The following SCRG1 variants were observed in gnomAD, a reference collection of about 807,000 sequenced individuals.
The protein encoded by SCRG1 is stimulator of chondrogenesis 1, also known as scrapie-responsive protein 1.
A neutral mutation model predicts 7.7 loss-of-function variants in SCRG1; 3 were observed. That is an observed-to-expected ratio of 0.39 (90% confidence interval 0.18 to 1.01). SCRG1 has a LOEUF of 1.01. Ranked by LOEUF, SCRG1 falls within the 50% of genes least tolerant of loss-of-function variation. SCRG1 has a pLI of 0.36. For missense variants in SCRG1, 110 were observed against 117.2 expected (o/e 0.94, Z 0.28); for synonymous variants, 46 against 41.2 (o/e 1.12, Z -0.44).
Position 173,391,308 on chromosome 4 carries a change from T to C in SCRG1, c.107A>G (p.His36Arg), listed in dbSNP as rs1482193097. Residue 36 changes from histidine to arginine, a missense_variant, in exon 2 of 3, where the codon CAC becomes CGC. Transcript: ENST00000296506. ...LSCYRKILKDHNCHNLPEGVA... is the reference protein window; with the variant it reads ...LSCYRKILKDRNCHNLPEGVA... ...TCCTTCCGGAAGGTTGTGACAGTTG[T>C]GATCTTTTAGTATCTTTCTGTAGCA... 2 of 1,614,148 alleles carry C rather than the reference T, an allele frequency of 1.2e-6. No homozygotes were observed. The highest frequency in any genetic ancestry group is 8.5e-7 in the Non-Finnish European group (1 of 1,180,022).
the SCRG1 span, among the ~76,000 whole-genome samples, chr4:173,482,307 T>G: frequency 1.3e-5 from 2 of 152,174 alleles, no homozygotes; most frequent in Admixed American, 6.6e-5. Flanking sequence ...TAGAATAGGT[T>G]AGAGACTCTT....
chr4:173,449,592 T>C, the SCRG1 span, among the ~76,000 whole-genome samples: 1 of 152,188 alleles, frequency 6.6e-6, no homozygotes, highest in Non-Finnish European at 1.5e-5. Flanking sequence ...ATAGCTAGAA[T>C]GTCTCTCTCC....
chr4:173,505,493 G>GGAAAGA, the SCRG1 span, among the ~76,000 whole-genome samples: 1 of 152,140 alleles, frequency 6.6e-6, no homozygotes, highest in Non-Finnish European at 1.5e-5. The surrounding 1 kb of genome is among the most constrained non-coding windows in gnomAD (Gnocchi z 4.4). Flanking sequence ...AAAGGGAAAG[G>GGAAAGA]GGAGAGTAGC....
upstream of SCRG1, among the ~76,000 whole-genome samples, chr4:173,402,916 G>A (rs918290559): frequency 6.6e-6 from 1 of 152,182 alleles, no homozygotes; most frequent in African/African-American, 2.4e-5. Flanking sequence ...GATGAACTGC[G>A]ACAAAATCAC....
upstream of SCRG1, chr4:173,399,259 G>T (rs1377914676): frequency 6.6e-6 from 1 of 152,214 alleles, no homozygotes; most frequent in South Asian, 2.1e-4. Flanking sequence ...GGGAGGAGGG[G>T]AGTGGAAGGA....
the SCRG1 span, among the ~76,000 whole-genome samples, chr4:173,511,253 C>G: frequency 3.3e-5 from 5 of 152,130 alleles, no homozygotes; most frequent in Non-Finnish European, 5.9e-5. The surrounding 1 kb of genome is among the most constrained non-coding windows in gnomAD (Gnocchi z 5.2). Context: ...GCTGGGATTA[C>G]AGGCGTGAGC....
chr4:173,501,081 T>G, the SCRG1 span, among the ~76,000 whole-genome samples: 1 of 152,134 alleles, frequency 6.6e-6, no homozygotes, highest in African/African-American at 2.4e-5. This position sits in a 1 kb window ranked among gnomAD's most constrained non-coding sequence, Gnocchi z 5.1. Flanking sequence ...GCCGTGACGC[T>G]TTGCAGACTG....
intron 2 of SCRG1, among the ~76,000 whole-genome samples, chr4:173,390,149 T>G (rs1560829141): frequency 6.6e-6 from 1 of 152,154 alleles, no homozygotes; most frequent in Non-Finnish European, 1.5e-5. Flanking sequence ...GTTCAAGTGA[T>G]TCTCCTGTCT....
chr4:173,414,681 T>C, the SCRG1 span, among the ~76,000 whole-genome samples: 1 of 152,250 alleles, frequency 6.6e-6, no homozygotes, highest in Non-Finnish European at 1.5e-5. Flanking sequence ...GGGTGCTTCT[T>C]GTCAGCTGTG....
At chr4:173,397,352 C>T (rs1205283195) in intron 1 of SCRG1, among the ~76,000 whole-genome samples, 1 of 151,794 alleles carries the variant, frequency 6.6e-6, no homozygotes, top group African/African-American at 2.4e-5. Context: ...AGTTGAGGTA[C>T]ATGTACTTAA....
At chr4:173,453,389 T>C in the SCRG1 span, among the ~76,000 whole-genome samples, 7 of 152,186 alleles carry the variant, frequency 4.6e-5, no homozygotes, top group East Asian at 1.3e-3. Flanking sequence ...ATGCATCACT[T>C]AATAACAGAG....
chr4:173,479,665 T>C, the SCRG1 span, among the ~76,000 whole-genome samples: 1 of 151,952 alleles, frequency 6.6e-6, no homozygotes, highest in Admixed American at 6.6e-5. Context: ...GGTCTCAAAC[T>C]CCTGACCTCA....
chr4:173,455,874 G>A, the SCRG1 span, among the ~76,000 whole-genome samples: 1 of 152,172 alleles, frequency 6.6e-6, no homozygotes, highest in Non-Finnish European at 1.5e-5. Context: ...GGAATAGGAT[G>A]CATGTGGAAA....
the SCRG1 span, among the ~76,000 whole-genome samples, chr4:173,453,658 T>C: frequency 6.6e-6 from 1 of 152,260 alleles, no homozygotes; most frequent in Non-Finnish European, 1.5e-5. Context: ...GATAATCTTA[T>C]GAGACCACTG....
chr4:173,448,138 C>T, the SCRG1 span, among the ~76,000 whole-genome samples: 1 of 152,162 alleles, frequency 6.6e-6, no homozygotes, highest in Non-Finnish European at 1.5e-5. Flanking sequence ...CAAAAAAACC[C>T]ATCAGGATGG....
exon 2 of SCRG1, chr4:173,404,393 A>C (rs4695834): frequency 0.95 from 144,044 of 152,258 alleles, 68,644 homozygotes; most frequent in East Asian, 1. Context: ...ACAGTTCTTA[A>C]CTGGACAGTC....
chr4:173,409,464 A>T (rs946661613), upstream of SCRG1, among the ~76,000 whole-genome samples: 1 of 152,128 alleles, frequency 6.6e-6, no homozygotes, highest in Admixed American at 6.5e-5. Context: ...TGCTCCCATG[A>T]AACTATTTGT....
chr4:173,491,189 T>C, the SCRG1 span, among the ~76,000 whole-genome samples: 1 of 149,988 alleles, frequency 6.7e-6, no homozygotes, highest in Admixed American at 6.7e-5. Context: ...ATAAGTGAAC[T>C]AATACAGAAT....
chr4:173,507,703 G>C, the SCRG1 span, among the ~76,000 whole-genome samples: 1 of 152,190 alleles, frequency 6.6e-6, no homozygotes, highest in Non-Finnish European at 1.5e-5. The surrounding 1 kb of genome is among the most constrained non-coding windows in gnomAD (Gnocchi z 4.4). Flanking sequence ...TCTGAGGAGA[G>C]AAGAGAAGCC....
Sources: gnomAD v4.1 joint callset for allele counts (sites outside exome capture counted in the v4.1 genomes callset) on GRCh38, gnomAD v4.1.1 for gene constraint, Gnocchi (gnomAD v3.1) non-coding constraint, MANE v1.5 for transcripts, NCBI Gene and HGNC (gene_info 2026-07-23, HGNC 2026-07-21) for gene names.